CNTN4: variants seen among roughly 807,000 people sequenced by gnomAD.
The protein encoded by CNTN4 is contactin-4.
Under a neutral mutation model 122.5 loss-of-function variants are expected in CNTN4, and 77 were observed. The ratio of observed to expected loss-of-function variants is 0.63; its 90% CI spans 0.52 to 0.76. CNTN4 has a LOEUF of 0.76. Among genes scored for constraint, CNTN4 ranks in the 30% least tolerant of loss-of-function variants. The probability of loss-of-function intolerance (pLI) is 0.00; values close to 1 mark genes in which losing one functional copy is unlikely to be tolerated. For missense variants in CNTN4, 1,256 were observed against 1,259.1 expected (o/e 1.00, Z 0.04); for synonymous variants, 512 against 447.0 (o/e 1.15, Z -1.83).
chr3:2,108,904 T>G (rs2125121712), intron 2 of CNTN4, among the ~76,000 whole-genome samples: 1 of 152,176 alleles, frequency 6.6e-6, no homozygotes, highest in South Asian at 2.1e-4. Context: ...TATTCACTTT[T>G]AAGTATCTCT....
intron 13 of CNTN4, among the ~76,000 whole-genome samples, chr3:2,940,131 T>C (rs938257399): frequency 1.4e-4 from 22 of 152,128 alleles, no homozygotes; most frequent in African/African-American, 4.8e-4. Context: ...GGGAGGTTCA[T>C]TGAGAGAAAA....
At chr3:2,956,813 C>T (rs959783419) in intron 13 of CNTN4, among the ~76,000 whole-genome samples, 5 of 152,120 alleles carry the variant, frequency 3.3e-5, no homozygotes, top group Admixed American at 1.3e-4. Context: ...CTCCAGAGCC[C>T]CTAGCAACCA....
intron 2 of CNTN4, among the ~76,000 whole-genome samples, chr3:2,228,469 C>T (rs1342930953): frequency 1.3e-5 from 2 of 152,058 alleles, no homozygotes; most frequent in Non-Finnish European, 2.9e-5. Context: ...GCCTGCAAGG[C>T]TGAAAGTATA....
Position 2,485,948 on chromosome 3 carries a change from C to G in CNTN4, c.-88-85468C>G, listed in dbSNP as rs1301181010. Among the ~76,000 whole-genome samples, 5 of 152,144 alleles carry G rather than the reference C, an allele frequency of 3.3e-5. No homozygotes were observed. In the East Asian group the frequency reaches 9.6e-4, roughly 29 times the overall value. ...GCTGCCTGAGCCAGCAGTGGCAACC[C>G]GCGCAGGTGCCCTTCCACACTGTGG... On this transcript the variant is annotated intron_variant, in intron 3 of 24. Coordinates refer to ENST00000418658, the MANE Select transcript of CNTN4 (RefSeq NM_175607.3).
chr3:2,265,693 C>G (rs1175846050), intron 2 of CNTN4, among the ~76,000 whole-genome samples: 2 of 151,882 alleles, frequency 1.3e-5, no homozygotes, highest in Non-Finnish European at 1.5e-5. Context: ...TCTTCTAATT[C>G]ATGAACATGG....
intron 6 of CNTN4, among the ~76,000 whole-genome samples, chr3:2,804,640 G>T (rs941970891): frequency 7.9e-5 from 12 of 152,118 alleles, no homozygotes; most frequent in African/African-American, 2.2e-4. Context: ...AGGAAGGTGT[G>T]AGCATTGCTC....
In CNTN4 at chr3:2,295,504, C is replaced by T. The variant is rs537007882; in HGVS notation, c.-144-43674C>T. ...TTGAGAAATGTCTGTTCATATCCTTCGCCCACTTTTTGATGGGGTTGTTTG... is the reference window on the plus strand; with the variant it reads ...TTGAGAAATGTCTGTTCATATCCTTTGCCCACTTTTTGATGGGGTTGTTTG... On this transcript the variant is annotated intron_variant, in intron 2 of 24. Coordinates refer to ENST00000418658, the MANE Select transcript of CNTN4 (RefSeq NM_175607.3). Among the ~76,000 whole-genome samples the T allele has an allele frequency of 2.9e-3, 431 of 150,760 alleles. 3 individuals are homozygous for T. The highest frequency in any genetic ancestry group is 5.0e-3 in the Non-Finnish European group (339 of 67,756).
At chr3:2,989,889 G>C (rs939680783) in intron 14 of CNTN4, among the ~76,000 whole-genome samples, 1 of 152,228 alleles carries the variant, frequency 6.6e-6, no homozygotes, top group Non-Finnish European at 1.5e-5. Context: ...GTTAGACACA[G>C]AGCTGGGATC....
chr3:2,753,293 T>C (rs1008582254), intron 6 of CNTN4, among the ~76,000 whole-genome samples: 1 of 152,172 alleles, frequency 6.6e-6, no homozygotes, highest in Non-Finnish European at 1.5e-5. Flanking sequence ...CCAGGTTGTT[T>C]ACCTCCTTTG....
intron 2 of CNTN4, among the ~76,000 whole-genome samples, chr3:2,211,259 G>C (rs1470574217): frequency 3.3e-5 from 5 of 152,058 alleles, no homozygotes; most frequent in South Asian, 2.1e-4. Context: ...CTATCACAAA[G>C]ACAACAGCAA....
intron 4 of CNTN4, among the ~76,000 whole-genome samples, chr3:2,688,211 C>G (rs2085537208): frequency 6.6e-6 from 1 of 152,132 alleles, no homozygotes; most frequent in African/African-American, 2.4e-5. Context: ...AAAAAATAAT[C>G]TGCTTATTTC....
intron 12 of CNTN4, among the ~76,000 whole-genome samples, chr3:2,922,421 A>G (rs2094437606): frequency 6.6e-6 from 1 of 152,068 alleles, no homozygotes; most frequent in Non-Finnish European, 1.5e-5. Flanking sequence ...CTCTGGTGCA[A>G]AAGATGCTCA....
intron 22 of CNTN4, 49 bp downstream of exon 22, chr3:3,043,212 CCCAAGTTTATT>C (rs148360634): frequency 0.021 from 33,374 of 1,553,054 alleles, 455 homozygotes; most frequent in Middle Eastern, 0.043. Flanking sequence ...TCACACATAT[CCCAAGTTTATT>C]CCTTATCCCC....
At chr3:2,266,399 A>G (rs540080726) in intron 2 of CNTN4, among the ~76,000 whole-genome samples, 4 of 152,250 alleles carry the variant, frequency 2.6e-5, no homozygotes, top group African/African-American at 7.2e-5. Flanking sequence ...CAAAACACCT[A>G]TGGAAATAAT....
intron 3 of CNTN4, among the ~76,000 whole-genome samples, chr3:2,363,873 A>G (rs1169064447): frequency 6.6e-6 from 1 of 152,226 alleles, no homozygotes; most frequent in African/African-American, 2.4e-5. Context: ...AATAAATAGT[A>G]AGGTAACATA....
chr3:2,611,297 C>CAAAAAAAAAAAAAAAAAAA lies in CNTN4; in HGVS notation c.55+39754_55+39755insAAAAAAAAAAAAAAAAAAA, dbSNP rs201162114. Among the ~76,000 whole-genome samples the CAAAAAAAAAAAAAAAAAAA allele has an allele frequency of 2.6e-4, 16 of 62,278 alleles. 1 individual carries two copies. Among genetic ancestry groups the CAAAAAAAAAAAAAAAAAAA allele is most frequent in the South Asian group, 5.6e-4 (1 of 1,792 alleles). The allele number at this position is 62,278 out of a possible 152,430, so 40.9% of individuals were successfully genotyped here. A position where few individuals can be genotyped will look rare whatever the true frequency, so the allele number is the denominator to read the frequency against. ...CAAAAGTACTCACAGCACCTGGAACCAAAAAAAAAAAAAAAGAAAGAAAGA... is the reference window on the plus strand; with the variant it reads ...CAAAAGTACTCACAGCACCTGGAACCAAAAAAAAAAAAAAAAAAAAAAAAAAAAAAAAAAGAAAGAAAGA... On this transcript the variant is annotated intron_variant, in intron 4 of 24. Coordinates refer to ENST00000418658, the MANE Select transcript of CNTN4 (RefSeq NM_175607.3).
At chr3:3,046,798 T>G (rs1022825138) in intron 23 of CNTN4, among the ~76,000 whole-genome samples, 1 of 146,220 alleles carries the variant, frequency 6.8e-6, no homozygotes, top group Non-Finnish European at 1.5e-5. Flanking sequence ...TAAATGTAAA[T>G]GGGCTAAATG....
intron 4 of CNTN4, among the ~76,000 whole-genome samples, chr3:2,659,460 C>CAA (rs59025670): frequency 5.2e-3 from 278 of 53,292 alleles, no homozygotes; most frequent in Non-Finnish European, 6.6e-3. Flanking sequence ...GACTCCATCT[C>CAA]AAAAAAAAAA....
intron 7 of CNTN4, among the ~76,000 whole-genome samples, chr3:2,831,738 AT>A (rs1370121462): frequency 6.6e-6 from 1 of 152,228 alleles, no homozygotes; most frequent in Non-Finnish European, 1.5e-5. Context: ...GTTGCAGTTG[AT>A]AACGTAGCAT....
Sources: allele counts gnomAD v4.1 joint callset (sites outside exome capture counted in the v4.1 genomes callset), GRCh38; gene constraint gnomAD v4.1.1; transcripts MANE v1.5; gene names NCBI Gene and HGNC (gene_info 2026-07-23, HGNC 2026-07-21).